Variants in DPP10 observed in about 807,000 individuals in gnomAD.
DPP10 encodes the protein inactive dipeptidyl peptidase 10.
A neutral mutation model predicts 120.9 loss-of-function variants in DPP10; 33 were observed. The observed-to-expected ratio is 0.27, with a 90% confidence interval of 0.21 to 0.37. The LOEUF is 0.37. Ranked by LOEUF, DPP10 falls within the 10% of genes least tolerant of loss-of-function variation. DPP10 has a pLI of 1.00. For synonymous variants in DPP10, 337 were observed against 326.1 expected (o/e 1.03, Z -0.36); for missense variants, 816 against 942.8 (o/e 0.87, Z 1.76).
intron 2 of DPP10, among the ~76,000 whole-genome samples, chr2:115,326,250 A>G (rs1416863073): frequency 2.0e-5 from 3 of 152,008 alleles, no homozygotes; most frequent in African/African-American, 7.2e-5. Context: ...TTTGATTGTA[A>G]TTCAGCTGTA....
intron 1 of DPP10, among the ~76,000 whole-genome samples, chr2:115,234,269 A>T (rs1457885618): frequency 6.6e-6 from 1 of 152,152 alleles, no homozygotes; most frequent in Admixed American, 6.5e-5. Flanking sequence ...CACCTATTTT[A>T]TATACCCTGC....
chr2:115,653,636 C>A (rs2088009103), intron 5 of DPP10, among the ~76,000 whole-genome samples: 1 of 151,890 alleles, frequency 6.6e-6, no homozygotes, highest in Non-Finnish European at 1.5e-5. Context: ...TGTGTATGTT[C>A]TTTCTTTCTT....
intron 1 of DPP10, among the ~76,000 whole-genome samples, chr2:114,544,894 C>T (rs1447938357): frequency 6.6e-6 from 1 of 151,840 alleles, no homozygotes; most frequent in African/African-American, 2.4e-5. Flanking sequence ...GCTCTGTCAC[C>T]ACACTGCAGT....
intron 1 of DPP10, among the ~76,000 whole-genome samples, chr2:114,599,147 T>G (rs1294510852): frequency 6.6e-6 from 1 of 151,884 alleles, no homozygotes; most frequent in Non-Finnish European, 1.5e-5. Context: ...AGTTATGTTT[T>G]GACTGAGAAT....
rs550820710 is a variant in DPP10 at position 115,807,792 on chromosome 2, A to G, written c.1701-7001A>G. On this transcript the variant is annotated intron_variant, in intron 19 of 25. Coordinates refer to ENST00000410059, the MANE Select transcript of DPP10 (RefSeq NM_020868.6). ...AAAATACCCAAACTTGGAGATCAAGAAAAAAAAAAACATTAAAACATCAAA... is the reference window on the plus strand; with the variant it reads ...AAAATACCCAAACTTGGAGATCAAGGAAAAAAAAAACATTAAAACATCAAA... 3.4e-4 allele frequency among the ~76,000 whole-genome samples: 16 copies of G among 47,158 alleles called. No homozygotes were observed. In the South Asian group the frequency reaches 7.9e-3, roughly 23 times the overall value. The allele number at this position is 47,158 out of a possible 152,430, so 30.9% of individuals were successfully genotyped here.
At chr2:115,726,937 G>C (rs1294893695) in intron 7 of DPP10, among the ~76,000 whole-genome samples, 1 of 107,740 alleles carries the variant, frequency 9.3e-6, no homozygotes, top group Admixed American at 9.7e-5. Context: ...TAGCAATTTG[G>C]CTTGCCCTGG....
chr2:114,917,665 C>T (rs1236247558), intron 1 of DPP10, among the ~76,000 whole-genome samples: 1 of 152,076 alleles, frequency 6.6e-6, no homozygotes, highest in African/African-American at 2.4e-5. Flanking sequence ...CACCTGCAAC[C>T]ATCAGATCTT....
At chr2:115,061,907 C>T (rs1706438700) in intron 1 of DPP10, among the ~76,000 whole-genome samples, 1 of 151,792 alleles carries the variant, frequency 6.6e-6, no homozygotes, top group East Asian at 1.9e-4. Context: ...CTTTCTAGTA[C>T]AAGATTATTT....
In DPP10 at chr2:114,834,587, C is replaced by T. The variant is rs74182883; in HGVS notation, c.60+391749C>T. On this transcript the variant is annotated intron_variant, in intron 1 of 25. Coordinates refer to ENST00000410059, the MANE Select transcript of DPP10 (RefSeq NM_020868.6). ...CCTATGTATATATAAGCCATATCTA[C>T]GCACCTATGTATATATAAGCCATAT... 1.3e-3 allele frequency among the ~76,000 whole-genome samples: 182 copies of T among 143,218 alleles called. 2 individuals are homozygous for T. In the East Asian group the frequency reaches 0.028, roughly 22 times the overall value. The allele number at this position is 143,218 out of a possible 152,430, so 94.0% of individuals were successfully genotyped here.
chr2:115,113,632 T>G (rs1424436227), intron 1 of DPP10, among the ~76,000 whole-genome samples: 1 of 152,184 alleles, frequency 6.6e-6, no homozygotes, highest in East Asian at 1.9e-4. Flanking sequence ...AGGACTAGGT[T>G]TCCAGTATTC....
intron 10 of DPP10, 73 bp from the exon 11 acceptor site, chr2:115,753,101 G>T: frequency 7.2e-7 from 1 of 1,385,254 alleles, no homozygotes; most frequent in Non-Finnish European, 9.7e-7. Flanking sequence ...ATATAAAATG[G>T]CAAATGTATA....
At chr2:115,198,845 A>G (rs1342434163) in intron 1 of DPP10, among the ~76,000 whole-genome samples, 1 of 152,184 alleles carries the variant, frequency 6.6e-6, no homozygotes, top group Non-Finnish European at 1.5e-5. Context: ...CTTCCAAATG[A>G]GTGCTTACCA....
chr2:115,266,050 A>G (rs1407881523), intron 1 of DPP10, among the ~76,000 whole-genome samples: 1 of 152,134 alleles, frequency 6.6e-6, no homozygotes, highest in Non-Finnish European at 1.5e-5. Flanking sequence ...TGAATTTCAT[A>G]TTAGTGTTTC....
intron 3 of DPP10, among the ~76,000 whole-genome samples, chr2:115,358,389 A>G (rs1453562130): frequency 6.6e-6 from 1 of 152,110 alleles, no homozygotes; most frequent in Admixed American, 6.6e-5. Flanking sequence ...TCTTGTCTCC[A>G]TCTGAAACCA....
chr2:114,567,492 A>G (rs945822827), intron 1 of DPP10, among the ~76,000 whole-genome samples: 13 of 152,162 alleles, frequency 8.5e-5, no homozygotes, highest in African/African-American at 3.1e-4. Context: ...GATTTTGAAG[A>G]TGAAGCAAGG....
chr2:114,921,307 A>G (rs991711631), intron 1 of DPP10, among the ~76,000 whole-genome samples: 4 of 152,236 alleles, frequency 2.6e-5, no homozygotes, highest in African/African-American at 9.6e-5. Flanking sequence ...CTTAAGCAGC[A>G]TAAGTTAGTG....
chr2:114,779,316 T>C (rs1052709030), intron 1 of DPP10, among the ~76,000 whole-genome samples: 9 of 152,158 alleles, frequency 5.9e-5, no homozygotes, highest in Non-Finnish European at 1.3e-4. Flanking sequence ...TGAGATTTTC[T>C]GTCTGCATAT....
intron 5 of DPP10, among the ~76,000 whole-genome samples, chr2:115,664,350 T>G (rs578085513): frequency 9.1e-4 from 138 of 152,228 alleles, no homozygotes; most frequent in Non-Finnish European, 1.6e-3. Flanking sequence ...AATTTTTGGT[T>G]CATCAGCAGG....
At chr2:114,834,488 A>C (rs567794174) in intron 1 of DPP10, among the ~76,000 whole-genome samples, 190 of 150,848 alleles carry the variant, frequency 1.3e-3, no homozygotes, top group African/African-American at 4.3e-3. Context: ...ATGTATATAT[A>C]AGCCATATCT....
Sources: allele counts gnomAD v4.1 joint callset (sites outside exome capture counted in the v4.1 genomes callset), GRCh38; gene constraint gnomAD v4.1.1; transcripts MANE v1.5; gene names NCBI Gene and HGNC (gene_info 2026-07-23, HGNC 2026-07-21).